Variants in PVT1 observed in about 807,000 individuals in gnomAD.
The protein encoded by PVT1 is CXCR4/PVT1 fusion.
intron 4 of PVT1, among the ~76,000 whole-genome samples, chr8:128,058,154 A>G (rs1206748758): frequency 6.6e-6 from 1 of 152,210 alleles, no homozygotes; most frequent in African/African-American, 2.4e-5. Flanking sequence ...TCGATTCTTC[A>G]GTGCATAACC....
intron 5 of PVT1, among the ~76,000 whole-genome samples, chr8:128,081,586 T>G (rs561797240): frequency 6.6e-6 from 1 of 152,342 alleles, no homozygotes; most frequent in African/African-American, 2.4e-5. Flanking sequence ...CTAATGTTAT[T>G]AAATGTTATT....
intron 3 of PVT1, among the ~76,000 whole-genome samples, chr8:127,932,206 C>T (rs1440271318): frequency 3.9e-5 from 6 of 152,176 alleles, no homozygotes; most frequent in Non-Finnish European, 7.3e-5. Flanking sequence ...CAGGTGAGGC[C>T]CAGCCATGGG....
chr8:127,934,032 C>T (rs1404051982), intron 3 of PVT1, among the ~76,000 whole-genome samples: 1 of 152,208 alleles, frequency 6.6e-6, no homozygotes, highest in Non-Finnish European at 1.5e-5. Context: ...ATTGTAGTTG[C>T]TGGAGCCATC....
intron 5 of PVT1, among the ~76,000 whole-genome samples, chr8:128,077,078 C>T (rs1814100717): frequency 6.6e-6 from 1 of 152,186 alleles, no homozygotes; most frequent in African/African-American, 2.4e-5. Flanking sequence ...ATGAGGCTTT[C>T]CATGTAGGGC....
chr8:127,896,774 T>TCC (rs71566652), intron 3 of PVT1, among the ~76,000 whole-genome samples: 118 of 112,314 alleles, frequency 1.1e-3, no homozygotes, highest in Non-Finnish European at 1.6e-3. Context: ...ATGCCTTTCC[T>TCC]CCCCCCCCCC....
chr8:127,999,985 G>A (rs1030973221), intron 4 of PVT1, among the ~76,000 whole-genome samples: 4 of 152,162 alleles, frequency 2.6e-5, no homozygotes, highest in East Asian at 3.9e-4. Flanking sequence ...TTTGCAAACC[G>A]GGACTCTGTG....
intron 4 of PVT1, among the ~76,000 whole-genome samples, chr8:128,038,433 G>T (rs1307522877): frequency 1.3e-5 from 2 of 152,162 alleles, no homozygotes; most frequent in Admixed American, 6.5e-5. Flanking sequence ...TACTAATGGG[G>T]TCTGTAGCCA....
chr8:127,934,081 A>C (rs1014759733), intron 3 of PVT1, among the ~76,000 whole-genome samples: 1 of 152,190 alleles, frequency 6.6e-6, no homozygotes, highest in Admixed American at 6.5e-5. Flanking sequence ...CCTTTTCACT[A>C]TCCTTTGATG....
intron 2 of PVT1, among the ~76,000 whole-genome samples, chr8:127,824,027 T>C (rs1814760975): frequency 6.6e-6 from 1 of 152,126 alleles, no homozygotes; most frequent in Non-Finnish European, 1.5e-5. Flanking sequence ...AGCCTGTCTC[T>C]ACAAAACATT....
At chr8:128,077,682 C>G (rs1357755180) in intron 5 of PVT1, among the ~76,000 whole-genome samples, 1 of 152,098 alleles carries the variant, frequency 6.6e-6, no homozygotes, top group Non-Finnish European at 1.5e-5. Context: ...ATTTATCAAG[C>G]CTCTCTGCAA....
At chr8:127,916,101 G>A (rs973515730) in intron 3 of PVT1, among the ~76,000 whole-genome samples, 7 of 152,248 alleles carry the variant, frequency 4.6e-5, no homozygotes, top group African/African-American at 1.7e-4. Context: ...GTTCCACTAT[G>A]TGGTCATGGA....
chr8:128,011,059 A>T (rs1331214338), intron 4 of PVT1, among the ~76,000 whole-genome samples: 2 of 152,092 alleles, frequency 1.3e-5, no homozygotes, highest in African/African-American at 4.8e-5. Flanking sequence ...GTAAATTCCA[A>T]ATTTACCCAG....
chr8:127,909,746 C>T (rs1199300590), intron 3 of PVT1, among the ~76,000 whole-genome samples: 2 of 152,032 alleles, frequency 1.3e-5, no homozygotes, highest in Admixed American at 6.6e-5. Context: ...TGGGGGCCTC[C>T]GTGTTGGAAA....
At chr8:128,051,997 C>A (rs1008634664) in intron 4 of PVT1, among the ~76,000 whole-genome samples, 4 of 152,144 alleles carry the variant, frequency 2.6e-5, no homozygotes, top group Non-Finnish European at 4.4e-5. Flanking sequence ...CTATTTGTAA[C>A]CCTTGGGGTC....
intron 4 of PVT1, among the ~76,000 whole-genome samples, chr8:128,031,870 G>C (rs6987459): frequency 0.14 from 21,745 of 152,060 alleles, 3,514 homozygotes; most frequent in African/African-American, 0.4. Context: ...TTGAACCCGG[G>C]GCTCTGGTTG....
chr8:128,087,693 G>A, intron 5 of PVT1, among the ~76,000 whole-genome samples: 1 of 149,752 alleles, frequency 6.7e-6, no homozygotes. Flanking sequence ...CTGGTTTTCT[G>A]TGTTGTTGCA....
At chr8:127,812,268 A>AAGGC (rs750721995) in intron 2 of PVT1, among the ~76,000 whole-genome samples, 23,735 of 128,092 alleles carry the variant, frequency 0.19, 2,620 homozygotes, top group African/African-American at 0.3. Context: ...GGAAGGCAGG[A>AAGGC]AGGAAGGAAG....
chr8:127,879,484 A>C (rs1174238714), intron 2 of PVT1, among the ~76,000 whole-genome samples: 1 of 152,180 alleles, frequency 6.6e-6, no homozygotes, highest in Admixed American at 6.5e-5. Context: ...AGCTGAGATC[A>C]CGCCACTGCA....
intron 3 of PVT1, among the ~76,000 whole-genome samples, chr8:127,976,091 T>C (rs902217059): frequency 1.3e-5 from 2 of 152,212 alleles, no homozygotes; most frequent in Non-Finnish European, 2.9e-5. Flanking sequence ...AGCTTACATC[T>C]TTGGGTTTGC....
Sources: gnomAD v4.1 joint callset for allele counts (sites outside exome capture counted in the v4.1 genomes callset) on GRCh38, gnomAD v4.1.1 for gene constraint, MANE v1.5 for transcripts, NCBI Gene and HGNC (gene_info 2026-07-23, HGNC 2026-07-21) for gene names.